RBM3: variants seen among roughly 807,000 people sequenced by gnomAD.
RBM3 encodes RNA-binding protein 3.
RBM3 carries 3 observed loss-of-function variants against 12.0 expected under a neutral mutation model. The ratio of observed to expected loss-of-function variants is 0.25; its 90% confidence interval spans 0.11 to 0.65. RBM3 has a LOEUF of 0.65. Ranked by LOEUF, RBM3 falls within the 30% of genes least tolerant of loss-of-function variation. The probability of loss-of-function intolerance (pLI) is 0.84; values close to 1 mark genes in which losing one functional copy is unlikely to be tolerated. For missense variants in RBM3, 108 were observed against 134.5 expected (o/e 0.80, Z 0.97); for synonymous variants, 58 against 45.7 (o/e 1.27, Z -1.08).
In RBM3 at chrX:48,577,083, C is replaced by G. The variant is rs1556989497; in HGVS notation, c.471C>G (p.Asn157Lys). Residue 157 changes from asparagine to lysine, a missense_variant, in exon 6 of 7, where the codon AAC becomes AAG. Asn to Lys is a moderately conservative substitution (Grantham distance 94). Transcript: ENST00000376759. ...GAAATTACAGAGACAATTATGACAA[C>G]TGAAATGAGACATGCACATAATATA... ...SGGNYRDNYDN is the reference protein window; with the variant it reads ...SGGNYRDNYDK 1 of 1,211,684 alleles carries G rather than the reference C, an allele frequency of 8.3e-7. No homozygotes were observed. Among genetic ancestry groups the G allele is most frequent in the Admixed American group, 2.2e-5 (1 of 45,953 alleles).
chrX:48,574,989 C>T (rs2062073701), intron 1 of RBM3, 179 bp from the exon 2 acceptor site: 1 of 454,641 alleles, frequency 2.2e-6, no homozygotes. Context: ...CTGCGCTGAG[C>T]CAGCTCCTCA....
At chrX:48,575,113 C>T (rs1169361187) in intron 1 of RBM3, 55 bp from the exon 2 acceptor site, 1 of 888,445 alleles carries the variant, frequency 1.1e-6, no homozygotes, top group Non-Finnish European at 1.6e-6. Flanking sequence ...GCTATTTTCT[C>T]ACATCTCCAT....
chrX:48,575,292 G>A lies in RBM3; in HGVS notation c.103+9G>A. ...CGGACCTATCTCTGAGGGTGAGACG[G>A]GCCATACTCACAATGGGGGTTGGTG... On this transcript the variant is annotated intron_variant, in intron 2 of 6. Coordinates refer to ENST00000376759, the MANE Select transcript of RBM3 (RefSeq NM_006743.5). 1.7e-6 allele frequency: 2 copies of A among 1,181,305 alleles called. No individual in the cohort carries two copies. Among genetic ancestry groups the A allele is most frequent in the South Asian group, 3.6e-5 (2 of 55,285 alleles).
rs2062094499 is a variant in RBM3, at chrX:48,579,537, C to G, written c.*2096C>G. On this transcript the variant is annotated 3_prime_UTR_variant, in exon 7 of 7. Transcript: ENST00000376759. ...CTATGGGGCATTGTGGCTAACCCCA[C>G]CAGGTGGATACTTGGTCTGAGGACG... Among the ~76,000 whole-genome samples the G allele has an allele frequency of 9.0e-6, 1 of 111,705 alleles. No homozygotes were observed. The highest frequency in any genetic ancestry group is 3.3e-5 in the African/African-American group (1 of 30,741).
rs183912387 is a variant in RBM3 at position 48,577,617 on chromosome X, A to G, written c.*176A>G. 7.1e-6 allele frequency: 3 copies of G among 424,601 alleles called. No homozygotes were observed. In the African/African-American group the frequency reaches 8.1e-5, roughly 12 times the overall value. The allele number at this position is 424,601 out of a possible 1,213,427, so 35.0% of individuals were successfully genotyped here. On this transcript the variant is annotated 3_prime_UTR_variant, in exon 7 of 7. Transcript: ENST00000376759. ...CAAGGTAGCTGAAGACCTTTTAGAC[A>G]GTTCCATCTTTTTTTTTAAATTTTT...
At chrX:48,575,811 C>T in intron 3 of RBM3, 144 bp downstream of exon 3, 1 of 634,287 alleles carries the variant, frequency 1.6e-6, no homozygotes, top group South Asian at 2.9e-5. Flanking sequence ...GCCTTTTGTT[C>T]TAGGGGGTGG....
At chrX:48,577,396 C>T (rs2062085775) in intron 6 of RBM3, 69 bp from the exon 7 acceptor site, 1 of 859,951 alleles carries the variant, frequency 1.2e-6, no homozygotes, top group African/African-American at 2.0e-5. Flanking sequence ...TTCATCAGCT[C>T]TAGGAGGTGA....
rs1285477610 is a variant in RBM3, at chrX:48,576,435, G to T, written c.316+16G>T. 1 of 1,205,680 alleles carries T rather than the reference G, an allele frequency of 8.3e-7. No individual in the cohort carries two copies. The highest frequency in any genetic ancestry group is 2.2e-5 in the Admixed American group (1 of 45,373). On this transcript the variant is annotated intron_variant, in intron 4 of 6. Transcript: ENST00000376759. ...TACTCTAGAGGTGAGTGCAGTGATC[G>T]TTTTGATCATGGGGTGAGAGGGAGA... is the stretch of plus-strand genomic sequence containing the variant.
At chrX:48,574,858 C>T (rs1556988851) in intron 1 of RBM3, 2 of 376,366 alleles carry the variant, frequency 5.3e-6, no homozygotes, top group Non-Finnish European at 1.0e-5. Flanking sequence ...TGGCCGCCGC[C>T]ATCTTGTTCT....
chrX:48,579,581 T>C lies in RBM3; in HGVS notation c.*2140T>C, dbSNP rs185621941. On this transcript the variant is annotated 3_prime_UTR_variant, in exon 7 of 7. Transcript: ENST00000376759. Reference sequence around the variant, plus strand: ...GAGGACGCATCTTATTCTGGGCCTTTAGGGAGCTAAGGCAGTGAGAATTGG... The same window carrying C: ...GAGGACGCATCTTATTCTGGGCCTTCAGGGAGCTAAGGCAGTGAGAATTGG... 4.5e-5 allele frequency among the ~76,000 whole-genome samples: 5 copies of C among 111,570 alleles called. No homozygotes were observed. Among genetic ancestry groups the C allele is most frequent in the Admixed American group, 3.8e-4 (4 of 10,407 alleles).
At chrX:48,577,213 C>G in intron 6 of RBM3, 104 bp downstream of exon 6, 2 of 1,160,991 alleles carry the variant, frequency 1.7e-6, no homozygotes, top group Non-Finnish European at 2.3e-6. Context: ...TGCCCTCATA[C>G]CTCACCCAGC....
In RBM3 at chrX:48,577,714, T is replaced by C. The variant is rs1324957650; in HGVS notation, c.*273T>C. 1 of 206,927 alleles carries C rather than the reference T, an allele frequency of 4.8e-6. No homozygotes were observed. The highest frequency in any genetic ancestry group is 1.6e-4 in the East Asian group (1 of 6,411). The allele number at this position is 206,927 out of a possible 1,213,427, so 17.1% of individuals were successfully genotyped here. On this transcript the variant is annotated 3_prime_UTR_variant, in exon 7 of 7. Coordinates refer to ENST00000376759, the MANE Select transcript of RBM3 (RefSeq NM_006743.5). ...ATTTTTCTTTTTACCAGTTTTTTAGTTTGAGCTCTTAGGTTTATTGGAGCT... is the reference window on the plus strand; with the variant it reads ...ATTTTTCTTTTTACCAGTTTTTTAGCTTGAGCTCTTAGGTTTATTGGAGCT...
chrX:48,579,935 A>C lies in RBM3; in HGVS notation c.*2494A>C, dbSNP rs557709377. 2 of 111,047 alleles carry C rather than the reference A, an allele frequency of 1.8e-5. No individual in the cohort carries two copies. The highest frequency in any genetic ancestry group is 6.5e-5 in the African/African-American group (2 of 30,584). The allele number at this position is 111,047 out of a possible 1,213,427, so 9.2% of individuals were successfully genotyped here. A position where few individuals can be genotyped will look rare whatever the true frequency, so the allele number is the denominator to read the frequency against. On this transcript the variant is annotated 3_prime_UTR_variant, in exon 7 of 7. Coordinates refer to ENST00000376759, the MANE Select transcript of RBM3 (RefSeq NM_006743.5). Reference sequence around the variant, plus strand: ...ATAGTGCCATAGTCTGTGATGAATAAAGTTCCAGATTTGAGGTCAACCCCC... The same window carrying C: ...ATAGTGCCATAGTCTGTGATGAATACAGTTCCAGATTTGAGGTCAACCCCC...
rs192790040 is a variant in RBM3 at position 48,577,520 on chromosome X, A to G, written c.*79A>G. On this transcript the variant is annotated 3_prime_UTR_variant, in exon 7 of 7. Coordinates refer to ENST00000376759, the MANE Select transcript of RBM3 (RefSeq NM_006743.5). ...CGTCCTTCCAAATGGCTGTATTTAT[A>G]AAGGTTTTTGGAGCTGCACCGAAGC... 1.1e-4 allele frequency: 109 copies of G among 1,019,069 alleles called. No homozygotes were observed. In the East Asian group the frequency reaches 4.0e-3, roughly 37 times the overall value. 84.0% of individuals were successfully genotyped at this position (1,019,069 alleles called of 1,213,427 possible).
chrX:48,576,975 T>C (rs1306441215), intron 5 of RBM3, 51 bp from the exon 6 acceptor site: 1 of 1,167,722 alleles, frequency 8.6e-7, no homozygotes, highest in Non-Finnish European at 1.2e-6. Context: ...ATTACAGTGG[T>C]ATATATAATG....
Position 48,576,553 on chromosome X carries a change from G to T in RBM3, c.362G>T (p.Arg121Leu). ...GGGAGTGGCAGGTATTATGACAGTC[G>T]ACCTGGAGGGTATGGATATGGATAT... ...GYGSGRYYDSRPGGYGYGYGR... is the reference protein window; with the variant it reads ...GYGSGRYYDSLPGGYGYGYGR... Residue 121 changes from arginine to leucine, a missense_variant, in exon 5 of 7, where the codon CGA (arginine) becomes CTA (leucine). By Grantham distance (102) the Arg-to-Leu change is moderately radical (BLOSUM62 -2). Coordinates refer to ENST00000376759, the MANE Select transcript of RBM3 (RefSeq NM_006743.5). 8.4e-7 allele frequency: 1 copy of T among 1,184,703 alleles called. No homozygotes were observed. The highest frequency in any genetic ancestry group is 1.1e-6 in the Non-Finnish European group (1 of 881,524).
rs1556989066 is a variant in RBM3 at position 48,575,543 on chromosome X, C to T, written c.104-18C>T. The stretch of plus-strand genomic sequence containing the variant: ...TACTGACTGGTCCACATTGCTCCAT[C>T]TTCTCTCCCTCTCACAGTGGTCGTT... On this transcript the variant is annotated intron_variant, in intron 2 of 6. Coordinates refer to ENST00000376759, the MANE Select transcript of RBM3 (RefSeq NM_006743.5). 3.4e-6 allele frequency: 4 copies of T among 1,190,667 alleles called. No individual in the cohort carries two copies. The highest frequency in any genetic ancestry group is 3.0e-5 in the East Asian group (1 of 33,038).
At position 48,575,274 on chromosome X, in the gene RBM3, A is replaced by G; in HGVS notation, c.94A>G (p.Ile32Val). 8.3e-7 allele frequency: 1 copy of G among 1,204,489 alleles called. No homozygotes were observed. Among genetic ancestry groups the G allele is most frequent in the Non-Finnish European group, 1.1e-6 (1 of 890,174 alleles). Reference sequence around the variant, plus strand: ...AGACCACTTCAGCAGTTTCGGACCTATCTCTGAGGGTGAGACGGGCCATAC... The same window carrying G: ...AGACCACTTCAGCAGTTTCGGACCTGTCTCTGAGGGTGAGACGGGCCATAC... Reference protein sequence around the residue: ...LEDHFSSFGPISEVVVVKDRE... With the variant: ...LEDHFSSFGPVSEVVVVKDRE... Residue 32 changes from isoleucine (I) to valine (V), a missense_variant, in exon 2 of 7, where the codon ATC becomes GTC. Physicochemically the swap from Ile to Val is conservative, Grantham distance 29 (BLOSUM62 3). Transcript: ENST00000376759.
rs1315216741 is a variant in RBM3, at chrX:48,577,943, T to C, written c.*502T>C. 1 of 113,875 alleles carries C rather than the reference T, an allele frequency of 8.8e-6. No homozygotes were observed. 9.4% of individuals were successfully genotyped at this position (113,875 alleles called of 1,213,427 possible). On this transcript the variant is annotated 3_prime_UTR_variant, in exon 7 of 7. Transcript: ENST00000376759. ...TAAACATAAAAAAATTAGCCTGGCA[T>C]GGTGGTGTACGCCTGTAATCCCAGT...
Sources: gnomAD v4.1 joint callset for allele counts (sites outside exome capture counted in the v4.1 genomes callset) on GRCh38, gnomAD v4.1.1 for gene constraint, MANE v1.5 for transcripts, NCBI Gene and HGNC (gene_info 2026-07-23, HGNC 2026-07-21) for gene names.